The following ZNF483 variants were observed in gnomAD, a reference collection of about 807,000 sequenced individuals.
ZNF483 encodes the protein zinc finger protein HIT-10.
Under a neutral mutation model 28.6 loss-of-function variants are expected in ZNF483, and 9 were observed. The ratio of observed to expected loss-of-function variants is 0.32; its 90% CI spans 0.19 to 0.55. The LOEUF (loss-of-function observed/expected upper bound fraction) is 0.55, where lower values mean the gene tolerates loss of function less well. Ranked by LOEUF, ZNF483 falls within the 20% of genes least tolerant of loss-of-function variation. ZNF483 has a pLI of 0.93. For synonymous variants in ZNF483, 322 were observed against 306.2 expected (o/e 1.05, Z -0.54); for missense variants, 675 against 871.7 (o/e 0.77, Z 2.84).
chr9:111,555,958 A>G (rs1828110031), downstream of ZNF483, among the ~76,000 whole-genome samples: 1 of 152,224 alleles, frequency 6.6e-6, no homozygotes, highest in African/African-American at 2.4e-5. Context: ...GCATTAACTC[A>G]AAAGTCCAAG....
chr9:111,529,880 G>A (rs1827276172), intron 2 of ZNF483, among the ~76,000 whole-genome samples: 1 of 152,228 alleles, frequency 6.6e-6, no homozygotes, highest in Non-Finnish European at 1.5e-5. Context: ...GATTAGAACA[G>A]TAAGAGTATC....
At position 111,543,582 on chromosome 9, in the gene ZNF483, G is replaced by A. The variant is rs936598021; in HGVS notation, c.*412G>A. On this transcript the variant is annotated 3_prime_UTR_variant, in exon 6 of 6. Coordinates refer to ENST00000309235, the MANE Select transcript of ZNF483 (RefSeq NM_133464.5). The stretch of plus-strand genomic sequence containing the variant: ...TTTGACCTTTCAGAATTTTATTTTC[G>A]TCACCAGCAGAATGAAGGGATGGGA... The A allele has an allele frequency of 8.3e-5, 82 of 988,944 alleles. No homozygotes were observed. The highest frequency in any genetic ancestry group is 7.1e-4 in the African/African-American group (41 of 57,362). 61.3% of individuals were successfully genotyped at this position (988,944 alleles called of 1,614,324 possible).
chr9:111,527,678 C>T lies in ZNF483; in HGVS notation c.283C>T (p.Leu95=). The T allele has an allele frequency of 6.2e-7, 1 of 1,614,110 alleles. No individual in the cohort carries two copies. The highest frequency in any genetic ancestry group is 8.5e-7 in the Non-Finnish European group (1 of 1,180,040). ...CACGAAAGAACAGATTTTAGAGCTT[C>T]TGGTGTTTGAGCAGTTCCTGACCAT... ...IHTKEQILEL[L]VFEQFLTILP... is the part of the protein sequence containing the mutation. Residue 95 remains leucine, a synonymous_variant, in exon 2 of 6, where the codon CTG becomes TTG. Coordinates refer to ENST00000309235, the MANE Select transcript of ZNF483 (RefSeq NM_133464.5).
rs1306004299 is a variant in ZNF483, at chr9:111,554,098, C to T, written c.*10928C>T. On this transcript the variant is annotated 3_prime_UTR_variant, in exon 6 of 6. Transcript: ENST00000309235. ...CCCATTCCACTCTAGAGATCTCACA[C>T]AGGCTTCCCAGGATATTTTAAAATC... Among the ~76,000 whole-genome samples, 1 of 152,244 alleles carries T rather than the reference C, an allele frequency of 6.6e-6. No individual in the cohort carries two copies. Among genetic ancestry groups the T allele is most frequent in the African/African-American group, 2.4e-5 (1 of 41,472 alleles).
At position 111,551,488 on chromosome 9, in the gene ZNF483, A is replaced by C. The variant is rs1589281879; in HGVS notation, c.*8318A>C. Among the ~76,000 whole-genome samples the C allele has an allele frequency of 7.4e-6, 1 of 134,312 alleles. No individual in the cohort carries two copies. Among genetic ancestry groups the C allele is most frequent in the African/African-American group, 2.9e-5 (1 of 34,914 alleles). The allele number at this position is 134,312 out of a possible 152,430, so 88.1% of individuals were successfully genotyped here. ...AGTGGCGCAATCTTGGTCCACTGCAACCTCCGCCTCCTGGGTTCCAGCAAT... is the reference window on the plus strand; with the variant it reads ...AGTGGCGCAATCTTGGTCCACTGCACCCTCCGCCTCCTGGGTTCCAGCAAT... On this transcript the variant is annotated 3_prime_UTR_variant, in exon 6 of 6. Coordinates refer to ENST00000309235, the MANE Select transcript of ZNF483 (RefSeq NM_133464.5).
At chr9:111,560,722 T>A (rs973575468) in intron 5 of ZNF483, among the ~76,000 whole-genome samples, 15 of 143,374 alleles carry the variant, frequency 1.0e-4, no homozygotes, top group Non-Finnish European at 1.8e-4. Context: ...GGTGGCCGGA[T>A]CACAAGGTCA....
At chr9:111,528,298 A>C (rs759609928) in intron 2 of ZNF483, among the ~76,000 whole-genome samples, 1 of 152,258 alleles carries the variant, frequency 6.6e-6, no homozygotes, top group African/African-American at 2.4e-5. Context: ...TAGTGCAAAT[A>C]AGGAACTGAA....
rs142825380 is a variant in ZNF483, at chr9:111,545,864, A to C, written c.*2694A>C. Among the ~76,000 whole-genome samples the C allele has an allele frequency of 6.6e-6, 1 of 152,238 alleles. No individual in the cohort carries two copies. Among genetic ancestry groups the C allele is most frequent in the East Asian group, 1.9e-4 (1 of 5,188 alleles). On this transcript the variant is annotated 3_prime_UTR_variant, in exon 6 of 6. Coordinates refer to ENST00000309235, the MANE Select transcript of ZNF483 (RefSeq NM_133464.5). ...TGAACATTGGTATGCAAGTGTTTTG[A>C]ACGTTAGTGTACAAGTCTTTGTGTG...
chr9:111,573,589 G>A (rs1241123762), intron 5 of ZNF483, among the ~76,000 whole-genome samples: 1 of 152,000 alleles, frequency 6.6e-6, no homozygotes, highest in Non-Finnish European at 1.5e-5. Context: ...TTTTGGGGGG[G>A]GACCATAGGT....
chr9:111,563,260 A>T, intron 5 of ZNF483: 1 of 1,591,300 alleles, frequency 6.3e-7, no homozygotes, highest in Non-Finnish European at 8.6e-7. Flanking sequence ...AAATTTTAAA[A>T]CTTAATTTAA....
chr9:111,561,158 A>G (rs185442139), intron 5 of ZNF483, among the ~76,000 whole-genome samples: 2,169 of 108,792 alleles, frequency 0.02, 93 homozygotes, highest in East Asian at 0.061. Context: ...GGAGAGAGAG[A>G]GAGAGAGAGA....
intron 5 of ZNF483, chr9:111,570,251 G>C (rs750258988): frequency 3.2e-6 from 5 of 1,585,032 alleles, no homozygotes; most frequent in Non-Finnish European, 3.4e-6. Flanking sequence ...GATCCAGGGA[G>C]GTGCCCATGG....
Position 111,542,511 on chromosome 9 carries a change from A to G in ZNF483, c.1576A>G (p.Lys526Glu). Residue 526 changes from lysine (K) to glutamate (E), a missense_variant, in exon 6 of 6, where the codon AAA becomes GAA. Coordinates refer to ENST00000309235, the MANE Select transcript of ZNF483 (RefSeq NM_133464.5). This position sits in a 1 kb window ranked among gnomAD's most constrained non-coding sequence, Gnocchi z 6.2. ...TACTGGAGAAAAACCTTATAAATGT[A>G]AAGACTGTGGGAGACCCTTTAGTGA... is the stretch of plus-strand genomic sequence containing the variant. ...IHTGEKPYKC[K>E]DCGRPFSDSS... 2.5e-6 allele frequency: 4 copies of G among 1,614,158 alleles called. No individual in the cohort carries two copies. The South Asian group carries it at 4.4e-5, about 18-fold the overall frequency.
intron 5 of ZNF483, among the ~76,000 whole-genome samples, chr9:111,560,505 G>A (rs1428349825): frequency 2.0e-5 from 3 of 150,256 alleles, no homozygotes; most frequent in African/African-American, 7.3e-5. Context: ...GCCGGGCATG[G>A]TGGCAGGCGC....
intron 5 of ZNF483, among the ~76,000 whole-genome samples, chr9:111,571,780 A>T (rs1343963027): frequency 6.6e-6 from 1 of 152,198 alleles, no homozygotes; most frequent in African/African-American, 2.4e-5. Flanking sequence ...TTGGGATTAC[A>T]GGCATAAGCC....
Position 111,527,563 on chromosome 9 carries a change from G to A in ZNF483, c.168G>A (p.Arg56=). The change falls in exon 2 of 6, where the codon AGG becomes AGA. Residue 56 remains arginine (R), a synonymous_variant. Coordinates refer to ENST00000309235, the MANE Select transcript of ZNF483 (RefSeq NM_133464.5). ...CAGAGTCTTTCAGACAGAGGTTTAG[G>A]TGGTTTTGTTACTCAGAAGTAGCTG... ...ADAESFRQRF[R]WFCYSEVAGP... is the part of the protein sequence containing the mutation. 2.5e-6 allele frequency: 4 copies of A among 1,614,244 alleles called. No homozygotes were observed. The highest frequency in any genetic ancestry group is 3.4e-6 in the Non-Finnish European group (4 of 1,180,052).
At chr9:111,570,514 T>A (rs1376910769) in intron 5 of ZNF483, among the ~76,000 whole-genome samples, 2 of 151,976 alleles carry the variant, frequency 1.3e-5, no homozygotes, top group Non-Finnish European at 2.9e-5. Flanking sequence ...CTCACACCTG[T>A]AATCCCAGCA....
chr9:111,553,625 T>C lies in ZNF483; in HGVS notation c.*10455T>C, dbSNP rs370717570. 6.6e-5 allele frequency among the ~76,000 whole-genome samples: 10 copies of C among 152,264 alleles called. No homozygotes were observed. Among genetic ancestry groups the C allele is most frequent in the African/African-American group, 2.4e-4 (10 of 41,474 alleles). The stretch of plus-strand genomic sequence containing the variant: ...ACGTGTTTATGTGTAACACTAGTGA[T>C]AATGCACGTTCCTGTACAAGCATTA... On this transcript the variant is annotated 3_prime_UTR_variant, in exon 6 of 6. Coordinates refer to ENST00000309235, the MANE Select transcript of ZNF483 (RefSeq NM_133464.5).
downstream of ZNF483, among the ~76,000 whole-genome samples, chr9:111,557,906 T>C (rs1828170061): frequency 6.6e-6 from 1 of 152,108 alleles, no homozygotes; most frequent in Non-Finnish European, 1.5e-5. Context: ...CCCAGCGCTT[T>C]GGGAGGCCAA....
Sources: allele counts gnomAD v4.1 joint callset (sites outside exome capture counted in the v4.1 genomes callset), GRCh38; gene constraint gnomAD v4.1.1; non-coding constraint Gnocchi (gnomAD v3.1); transcripts MANE v1.5; gene names NCBI Gene and HGNC (gene_info 2026-07-23, HGNC 2026-07-21).